SCN9A: variants seen among roughly 807,000 people sequenced by gnomAD.
The protein encoded by SCN9A is sodium channel protein type 9 subunit alpha.
SCN9A carries 131 observed loss-of-function variants against 187.0 expected under a neutral mutation model. The ratio of observed to expected loss-of-function variants is 0.70; its 90% CI spans 0.61 to 0.81. The LOEUF (loss-of-function observed/expected upper bound fraction) is 0.81, where lower values mean the gene tolerates loss of function less well. SCN9A is among the 30% of genes least tolerant of loss of function. The pLI, the probability that SCN9A is intolerant of heterozygous loss-of-function variation, is 0.00. For missense variants in SCN9A, 2,252 were observed against 2,396.6 expected, an observed-to-expected ratio of 0.94 and a Z score of 1.26; for synonymous variants, 809 against 808.6, an observed-to-expected ratio of 1.00 and a Z score of -0.01.
Position 166,303,382 on chromosome 2 carries a change from T to A in SCN9A, c.689-80A>T, listed in dbSNP as rs1698644139. 4.5e-6 allele frequency: 5 copies of A among 1,116,648 alleles called. No individual in the cohort carries two copies. In the South Asian group the frequency reaches 5.6e-5, roughly 13 times the overall value. 69.2% of individuals were successfully genotyped at this position (1,116,648 alleles called of 1,614,324 possible). The stretch of plus-strand genomic sequence containing the variant: ...AAAAAACACAAGCTTTCCTAGAAAG[T>A]CATGCATTATATCAAATCAATGACC... On this transcript the variant is annotated intron_variant, in intron 6 of 26. Coordinates refer to ENST00000642356, the MANE Select transcript of SCN9A (RefSeq NM_001365536.1).
chr2:166,279,141 G>C (rs528688721), intron 14 of SCN9A, among the ~76,000 whole-genome samples: 1 of 152,062 alleles, frequency 6.6e-6, no homozygotes, highest in South Asian at 2.1e-4. Context: ...TTATTTGCAA[G>C]ATCCGGATCT....
chr2:166,300,646 C>T lies in SCN9A; in HGVS notation c.901+2444G>A, dbSNP rs1218074577. On this transcript the variant is annotated intron_variant, in intron 7 of 26. Transcript: ENST00000642356. ...GCTCAGGGAAACCATGTAATAAACGCACCAATAAATGAAAGTTTGAATCAA... is the reference window on the plus strand; with the variant it reads ...GCTCAGGGAAACCATGTAATAAACGTACCAATAAATGAAAGTTTGAATCAA... Among the ~76,000 whole-genome samples the T allele has an allele frequency of 3.3e-5, 5 of 150,660 alleles. 1 individual carries two copies. The highest frequency in any genetic ancestry group is 6.6e-5 in the Admixed American group (1 of 15,230).
chr2:166,204,097 AG>A lies in SCN9A; in HGVS notation c.4631del (p.Thr1544MetfsTer7), dbSNP rs1558945064. ...VEKEGQSQHM[T>X]EVLYWINVVF... is the part of the protein sequence containing the mutation. The stretch of plus-strand genomic sequence containing the variant: ...CCACATTTATCCAATATAAAACTTC[AG>A]TCATATGTTGACTTTGACCCTCCTT... On this transcript the variant is annotated frameshift_variant, in exon 26 of 27. Transcript: ENST00000642356. LOFTEE classifies it high-confidence loss of function. 2.8e-5 allele frequency: 45 copies of A among 1,612,846 alleles called. No homozygotes were observed. Among genetic ancestry groups the A allele is most frequent in the Non-Finnish European group, 3.6e-5 (42 of 1,179,182 alleles).
In SCN9A at chr2:166,333,233, T is replaced by C. The variant is rs115028579; in HGVS notation, c.-50-21427A>G. ...CATATTCTGACCATAAATGGAAATGTTTTTACAGAACAGTCTTAATCTTAA... is the reference window on the plus strand; with the variant it reads ...CATATTCTGACCATAAATGGAAATGCTTTTACAGAACAGTCTTAATCTTAA... On this transcript the variant is annotated intron_variant, in intron 1 of 26. Coordinates refer to ENST00000642356, the MANE Select transcript of SCN9A (RefSeq NM_001365536.1). Among the ~76,000 whole-genome samples, 694 of 152,200 alleles carry C rather than the reference T, an allele frequency of 4.6e-3. 6 individuals are homozygous for C. Among genetic ancestry groups the C allele is most frequent in the African/African-American group, 0.016 (657 of 41,560 alleles).
intron 24 of SCN9A, among the ~76,000 whole-genome samples, chr2:166,220,005 T>C (rs993029414): frequency 6.6e-5 from 10 of 152,124 alleles, no homozygotes; most frequent in Non-Finnish European, 8.8e-5. Flanking sequence ...CTGATGAACA[T>C]AGATGCAAAT....
chr2:166,263,578 G>C (rs1216286748), intron 17 of SCN9A, among the ~76,000 whole-genome samples: 3 of 151,866 alleles, frequency 2.0e-5, no homozygotes, highest in Non-Finnish European at 4.4e-5. Context: ...ATTCTTAATT[G>C]TATCAATAAC....
At chr2:166,366,497 T>A (rs1244908413) in intron 1 of SCN9A, among the ~76,000 whole-genome samples, 1 of 152,226 alleles carries the variant, frequency 6.6e-6, no homozygotes, top group Non-Finnish European at 1.5e-5. Flanking sequence ...AGTGCATATA[T>A]CTCTTTGAGA....
intron 13 of SCN9A, 123 bp from the exon 14 acceptor site, chr2:166,280,718 A>G (rs1455547295): frequency 2.0e-5 from 13 of 637,486 alleles, no homozygotes; most frequent in Non-Finnish European, 3.0e-5. Flanking sequence ...TGAAAATTTA[A>G]CAGTACTATT....
chr2:166,224,155 C>T (rs544769572), intron 24 of SCN9A, among the ~76,000 whole-genome samples: 14 of 152,194 alleles, frequency 9.2e-5, no homozygotes, highest in African/African-American at 2.6e-4. Context: ...GCTCATACTG[C>T]TCTTTCTAGA....
At chr2:166,310,186 C>T (rs1174122751) in intron 2 of SCN9A, among the ~76,000 whole-genome samples, 1 of 102,148 alleles carries the variant, frequency 9.8e-6, no homozygotes, top group African/African-American at 4.4e-5. Flanking sequence ...AGGACATAGG[C>T]ATGGGCAAGG....
rs371263256 is a variant in SCN9A, at chr2:166,296,183, C to T, written c.902-1521G>A. 12 of 152,242 alleles carry T rather than the reference C, an allele frequency of 7.9e-5. No homozygotes were observed. The South Asian group carries it at 1.2e-3, about 16-fold the overall frequency. 9.4% of individuals were successfully genotyped at this position (152,242 alleles called of 1,614,324 possible). ...CCTTAGCTGCTGCATCTGTAAAATA[C>T]GTATAAGAATACCTACTTTATAAAG... On this transcript the variant is annotated intron_variant, in intron 7 of 26. Transcript: ENST00000642356.
chr2:166,335,866 T>C (rs1009879305), intron 1 of SCN9A, among the ~76,000 whole-genome samples: 2 of 152,228 alleles, frequency 1.3e-5, no homozygotes, highest in African/African-American at 4.8e-5. Context: ...TTTCCTTTCT[T>C]GAATATGAAA....
At chr2:166,322,721 C>T (rs1699274396) in intron 1 of SCN9A, among the ~76,000 whole-genome samples, 1 of 151,696 alleles carries the variant, frequency 6.6e-6, no homozygotes, top group South Asian at 2.1e-4. Context: ...ATGTATTGGC[C>T]TTTTAAACAT....
At chr2:166,293,395 T>C (rs751224335) in intron 8 of SCN9A, 23 bp from the exon 9 acceptor site, 13 of 1,575,778 alleles carry the variant, frequency 8.2e-6, no homozygotes, top group South Asian at 1.2e-5. Flanking sequence ...AAGAACATTA[T>C]AGGTGAGAGT....
At chr2:166,358,175 T>C (rs1257523818) in intron 1 of SCN9A, among the ~76,000 whole-genome samples, 1 of 151,918 alleles carries the variant, frequency 6.6e-6, no homozygotes, top group Non-Finnish European at 1.5e-5. Context: ...GTTCAAGCAG[T>C]TCTCCTGCCT....
At chr2:166,287,798 C>T (rs891995039) in intron 10 of SCN9A, among the ~76,000 whole-genome samples, 1 of 151,794 alleles carries the variant, frequency 6.6e-6, no homozygotes, top group Admixed American at 6.6e-5. Flanking sequence ...CATGTTTTAT[C>T]TTAAAAATCC....
intron 26 of SCN9A, among the ~76,000 whole-genome samples, chr2:166,203,276 T>A (rs1693632097): frequency 6.6e-6 from 1 of 151,832 alleles, no homozygotes; most frequent in East Asian, 1.9e-4. Flanking sequence ...CTCTTAAAAG[T>A]TTATAATTCT....
chr2:166,273,335 C>T (rs1450929646), intron 16 of SCN9A, among the ~76,000 whole-genome samples: 2 of 152,158 alleles, frequency 1.3e-5, no homozygotes, highest in Non-Finnish European at 2.9e-5. Context: ...TCTTTGTTCA[C>T]TTTACCAGAA....
chr2:166,369,824 T>C (rs1188727117), intron 1 of SCN9A, among the ~76,000 whole-genome samples: 1 of 152,194 alleles, frequency 6.6e-6, no homozygotes, highest in Non-Finnish European at 1.5e-5. Context: ...CTTAAATCAA[T>C]ATATGAAATA....
Sources: allele counts gnomAD v4.1 joint callset (sites outside exome capture counted in the v4.1 genomes callset), GRCh38; gene constraint gnomAD v4.1.1; transcripts MANE v1.5; gene names NCBI Gene and HGNC (gene_info 2026-07-23, HGNC 2026-07-21).